The following NKAIN2 variants were observed in gnomAD, a reference collection of about 807,000 sequenced individuals.
NKAIN2 encodes the protein sodium/potassium transporting ATPase interacting 2.
In NKAIN2, 14 loss-of-function variants were observed where a neutral mutation model predicts 32.6. That is an observed-to-expected ratio of 0.43 (90% CI 0.28 to 0.67). NKAIN2 has a LOEUF of 0.67. NKAIN2 is among the 30% of genes least tolerant of loss of function. NKAIN2 has a pLI of 0.17. For missense variants in NKAIN2, 198 were observed against 258.3 expected (o/e 0.77, Z 1.60); for synonymous variants, 80 against 87.2 (o/e 0.92, Z 0.46).
At chr6:124,419,698 T>C (rs1774660366) in intron 3 of NKAIN2, among the ~76,000 whole-genome samples, 1 of 152,168 alleles carries the variant, frequency 6.6e-6, no homozygotes, top group Non-Finnish European at 1.5e-5. Context: ...TTATTGCAAA[T>C]AGTAGTCTAC....
chr6:123,998,527 T>C (rs1009032515), intron 1 of NKAIN2, among the ~76,000 whole-genome samples: 2 of 151,988 alleles, frequency 1.3e-5, no homozygotes, highest in African/African-American at 4.8e-5. Context: ...ACTTCCAAAT[T>C]TGGGGCAAAT....
At chr6:124,784,715 G>T (rs752798041) in intron 4 of NKAIN2, among the ~76,000 whole-genome samples, 45 of 152,152 alleles carry the variant, frequency 3.0e-4, no homozygotes, top group Middle Eastern at 3.4e-3. Flanking sequence ...GTGGGAACAT[G>T]TTTTTATTTC....
intron 1 of NKAIN2, among the ~76,000 whole-genome samples, chr6:124,151,479 A>G (rs1787720344): frequency 6.6e-6 from 1 of 152,068 alleles, no homozygotes. Context: ...ACACTGCTAC[A>G]AACACTTACG....
intron 1 of NKAIN2, among the ~76,000 whole-genome samples, chr6:124,173,011 G>T (rs559778616): frequency 3.3e-5 from 5 of 152,116 alleles, no homozygotes; most frequent in African/African-American, 1.2e-4. Flanking sequence ...AGTGACAATT[G>T]CATTAATTCA....
At chr6:124,270,489 A>G (rs1794707748) in intron 1 of NKAIN2, among the ~76,000 whole-genome samples, 1 of 152,204 alleles carries the variant, frequency 6.6e-6, no homozygotes, top group South Asian at 2.1e-4. Flanking sequence ...AATATGTTTA[A>G]TATGATTCTG....
At chr6:124,010,475 G>A (rs892929483) in intron 1 of NKAIN2, among the ~76,000 whole-genome samples, 2 of 150,516 alleles carry the variant, frequency 1.3e-5, no homozygotes, top group African/African-American at 2.5e-5. Flanking sequence ...ATTTACAAGA[G>A]GATCTCAGGG....
chr6:123,939,755 T>C (rs1273781931), intron 1 of NKAIN2, among the ~76,000 whole-genome samples: 1 of 151,626 alleles, frequency 6.6e-6, no homozygotes, highest in East Asian at 1.9e-4. Context: ...TCGTTCCCAA[T>C]TGTGCTATTC....
intron 1 of NKAIN2, among the ~76,000 whole-genome samples, chr6:124,218,927 C>T (rs1236177616): frequency 6.6e-6 from 1 of 152,092 alleles, no homozygotes; most frequent in African/African-American, 2.4e-5. Flanking sequence ...GCAGGGGAGG[C>T]CTCAGGAAAG....
intron 4 of NKAIN2, among the ~76,000 whole-genome samples, chr6:124,733,955 A>T (rs1363341270): frequency 6.6e-6 from 1 of 151,466 alleles, no homozygotes; most frequent in East Asian, 2.0e-4. Flanking sequence ...TTCTAACACC[A>T]GTCTTCAATA....
chr6:124,504,572 A>G (rs1778406469), intron 3 of NKAIN2, among the ~76,000 whole-genome samples: 1 of 152,214 alleles, frequency 6.6e-6, no homozygotes, highest in African/African-American at 2.4e-5. Context: ...CTAAAACAAG[A>G]CCATTTTAAA....
intron 1 of NKAIN2, among the ~76,000 whole-genome samples, chr6:124,165,338 G>A (rs917721832): frequency 7.9e-5 from 12 of 151,978 alleles, no homozygotes; most frequent in Non-Finnish European, 1.6e-4. Context: ...TAATAGGCAG[G>A]AATGGTCAGC....
At chr6:124,361,762 G>A (rs1322592) in intron 3 of NKAIN2, among the ~76,000 whole-genome samples, 20,934 of 152,004 alleles carry the variant, frequency 0.14, 1,574 homozygotes, top group African/African-American at 0.19. Flanking sequence ...GTAAGAGACA[G>A]GAAGGAGATA....
At chr6:124,404,336 G>A (rs769203525) in intron 3 of NKAIN2, among the ~76,000 whole-genome samples, 1 of 152,142 alleles carries the variant, frequency 6.6e-6, no homozygotes, top group Non-Finnish European at 1.5e-5. Context: ...ATCACTTTTT[G>A]TTGATTCCTG....
chr6:124,192,341 C>G (rs566172899), intron 1 of NKAIN2, among the ~76,000 whole-genome samples: 2 of 152,196 alleles, frequency 1.3e-5, no homozygotes, highest in East Asian at 1.9e-4. Context: ...ATTGTGATTA[C>G]TTCTTTGATT....
chr6:124,796,001 C>T (rs1779980401), intron 5 of NKAIN2, among the ~76,000 whole-genome samples: 1 of 152,108 alleles, frequency 6.6e-6, no homozygotes, highest in Non-Finnish European at 1.5e-5. Context: ...ATCTCTGACC[C>T]TTTAGTTATC....
At chr6:124,060,449 T>C (rs1230046845) in intron 1 of NKAIN2, among the ~76,000 whole-genome samples, 3 of 151,962 alleles carry the variant, frequency 2.0e-5, no homozygotes, top group Admixed American at 6.6e-5. Flanking sequence ...AGGAGAAGCA[T>C]AAAAAAGCAC....
chr6:124,406,895 G>T (rs1773884478), intron 3 of NKAIN2, among the ~76,000 whole-genome samples: 1 of 151,894 alleles, frequency 6.6e-6, no homozygotes, highest in South Asian at 2.1e-4. Context: ...CATGAAGCTT[G>T]CATTCAAATG....
intron 3 of NKAIN2, chr6:124,490,326 A>G (rs1777811627): frequency 4.7e-6 from 2 of 422,138 alleles, no homozygotes; most frequent in Non-Finnish European, 9.3e-6. Context: ...GACACCAAGT[A>G]AACACTTTCT....
intron 1 of NKAIN2, among the ~76,000 whole-genome samples, chr6:123,812,070 C>A (rs1486384263): frequency 1.3e-5 from 2 of 152,002 alleles, no homozygotes; most frequent in African/African-American, 4.8e-5. Flanking sequence ...TCAAGGGTCA[C>A]AGTGCATATT....
Sources: gnomAD v4.1 joint callset for allele counts (sites outside exome capture counted in the v4.1 genomes callset) on GRCh38, gnomAD v4.1.1 for gene constraint, MANE v1.5 for transcripts, NCBI Gene and HGNC (gene_info 2026-07-23, HGNC 2026-07-21) for gene names.